Variants in EPRS1 observed in about 807,000 individuals in gnomAD.
EPRS1 encodes glutamyl-prolyl-tRNA synthetase 1.
A neutral mutation model predicts 188.3 loss-of-function variants in EPRS1; 107 were observed. That is an observed-to-expected ratio of 0.57 (90% CI 0.49 to 0.67). The LOEUF (loss-of-function observed/expected upper bound fraction) is 0.67. Among genes scored for constraint, EPRS1 ranks in the 30% least tolerant of loss-of-function variants. The pLI is 0.00. For missense variants in EPRS1, 1,577 were observed against 1,802.2 expected, an observed-to-expected ratio of 0.88 and a Z score of 2.26; for synonymous variants, 596 against 593.1, an observed-to-expected ratio of 1.00 and a Z score of -0.07.
chr1:220,025,881 A>C (rs942547831), intron 6 of EPRS1, among the ~76,000 whole-genome samples: 8 of 148,080 alleles, frequency 5.4e-5, no homozygotes, highest in African/African-American at 2.0e-4. Flanking sequence ...TGCAACCTCC[A>C]CCTCCTGGGT....
chr1:220,024,677 G>A (rs1293569766), intron 7 of EPRS1, among the ~76,000 whole-genome samples: 25 of 152,138 alleles, frequency 1.6e-4, no homozygotes, highest in Admixed American at 6.5e-5. Context: ...CTGATCTCAC[G>A]ATGGAGTTTT....
intron 23 of EPRS1, among the ~76,000 whole-genome samples, chr1:219,981,719 A>G (rs1388860470): frequency 1.3e-5 from 2 of 152,238 alleles, no homozygotes; most frequent in African/African-American, 4.8e-5. Flanking sequence ...CATTCTTCAC[A>G]TAACAGTTAA....
intron 12 of EPRS1, among the ~76,000 whole-genome samples, chr1:220,011,884 A>G (rs1487561240): frequency 2.0e-5 from 3 of 152,242 alleles, no homozygotes; most frequent in Non-Finnish European, 2.9e-5. Flanking sequence ...AGAAAAATGT[A>G]GATGAAAGCA....
intron 12 of EPRS1, among the ~76,000 whole-genome samples, chr1:220,017,595 A>G (rs1330084883): frequency 2.6e-5 from 4 of 152,230 alleles, no homozygotes; most frequent in East Asian, 1.9e-4. Flanking sequence ...ACAAGCAACT[A>G]TATCTTGAGG....
chr1:220,014,545 T>C (rs1296392890), intron 12 of EPRS1, among the ~76,000 whole-genome samples: 1 of 152,152 alleles, frequency 6.6e-6, no homozygotes, highest in Non-Finnish European at 1.5e-5. Context: ...AATAAGTGAA[T>C]GTATGATAGT....
chr1:220,040,908 T>G (rs1033191633), intron 1 of EPRS1, among the ~76,000 whole-genome samples: 9 of 151,414 alleles, frequency 5.9e-5, no homozygotes, highest in South Asian at 2.1e-4. Flanking sequence ...TATGTTGACC[T>G]TGGATTTTTA....
chr1:220,027,543 G>A (rs1662002958), intron 6 of EPRS1, among the ~76,000 whole-genome samples: 1 of 134,756 alleles, frequency 7.4e-6, no homozygotes, highest in African/African-American at 2.8e-5. Context: ...AGTGAGCCAA[G>A]ATCGCGCCAC....
At chr1:219,993,458 G>C (rs1219721268) in intron 18 of EPRS1, among the ~76,000 whole-genome samples, 2 of 152,080 alleles carry the variant, frequency 1.3e-5, no homozygotes, top group African/African-American at 2.4e-5. Flanking sequence ...CTTATACTTT[G>C]CCTTTACACT....
chr1:219,996,186 C>T (rs748861835), intron 18 of EPRS1, among the ~76,000 whole-genome samples: 21 of 152,282 alleles, frequency 1.4e-4, no homozygotes, highest in Non-Finnish European at 2.8e-4. Flanking sequence ...ACACTAGGTG[C>T]CACACCTACT....
At position 219,981,415 on chromosome 1, in the gene EPRS1, TCTCTGTG is replaced by T; in HGVS notation, c.3409_3415del (p.His1137ThrfsTer87). 6.2e-7 allele frequency: 1 copy of T among 1,609,190 alleles called. No homozygotes were observed. Among genetic ancestry groups the T allele is most frequent in the Non-Finnish European group, 8.5e-7 (1 of 1,177,122 alleles). On this transcript the variant is annotated frameshift_variant, in exon 24 of 32. Transcript: ENST00000366923. LOFTEE classifies it high-confidence loss of function. The stretch of plus-strand genomic sequence containing the variant: ...CCACTGATTGAGCTTGATGGGCAGG[TCTCTGTG>T]TGACTGTACCCATTTTGCATATGCA...
intron 28 of EPRS1, among the ~76,000 whole-genome samples, chr1:219,974,820 G>C (rs1455923613): frequency 1.3e-5 from 2 of 152,082 alleles, no homozygotes; most frequent in Admixed American, 1.3e-4. Flanking sequence ...TTTACAAGAT[G>C]AATAAGAAAT....
chr1:220,034,788 A>G, intron 3 of EPRS1, 126 bp downstream of exon 3: 1 of 688,126 alleles, frequency 1.5e-6, no homozygotes, highest in Non-Finnish European at 2.6e-6. Flanking sequence ...ACCTTGGTCT[A>G]TATAATTAAC....
chr1:220,030,539 A>G, intron 5 of EPRS1, 59 bp from the exon 6 acceptor site: 1 of 1,239,130 alleles, frequency 8.1e-7, no homozygotes, highest in South Asian at 1.2e-5. Flanking sequence ...CTAAGAACAC[A>G]CTCATTCAAC....
In EPRS1 at chr1:220,045,720, G is replaced by A. The variant is rs577144677; in HGVS notation, c.46+623C>T. Among the ~76,000 whole-genome samples, 135 of 152,226 alleles carry A rather than the reference G, an allele frequency of 8.9e-4. 1 individual carries two copies. Among genetic ancestry groups the A allele is most frequent in the African/African-American group, 3.1e-3 (127 of 41,530 alleles). On this transcript the variant is annotated intron_variant, in intron 1 of 31. Coordinates refer to ENST00000366923, the MANE Select transcript of EPRS1 (RefSeq NM_004446.3). Reference sequence around the variant, plus strand: ...TCCACAGGGTGCAGTAAAAGCAACCGCATCAGTCTACAGTGTACCTGGGTG... The same window carrying A: ...TCCACAGGGTGCAGTAAAAGCAACCACATCAGTCTACAGTGTACCTGGGTG...
At chr1:220,012,177 T>C (rs1661618050) in intron 12 of EPRS1, among the ~76,000 whole-genome samples, 2 of 152,254 alleles carry the variant, frequency 1.3e-5, no homozygotes, top group Middle Eastern at 6.8e-3. Context: ...TATTTCATGC[T>C]AATACTAAAT....
intron 29 of EPRS1, among the ~76,000 whole-genome samples, chr1:219,972,806 T>C (rs1660694290): frequency 6.6e-6 from 1 of 152,190 alleles, no homozygotes; most frequent in East Asian, 1.9e-4. Context: ...CTTGGCTATA[T>C]TATAATCCCC....
chr1:219,987,131 C>T lies in EPRS1; in HGVS notation c.3038+11G>A, dbSNP rs767418122. Reference sequence around the variant, plus strand: ...TGCTTTGCTTCAAATGAAGTTTCTGCGATTCATTACCTGGTCTGTTTCTTA... The same window carrying T: ...TGCTTTGCTTCAAATGAAGTTTCTGTGATTCATTACCTGGTCTGTTTCTTA... On this transcript the variant is annotated intron_variant, in intron 20 of 31. Transcript: ENST00000366923. The T allele has an allele frequency of 1.3e-5, 20 of 1,589,024 alleles. No homozygotes were observed. The East Asian group carries it at 2.0e-4, about 16-fold the overall frequency.
chr1:220,006,279 T>C lies in EPRS1; in HGVS notation c.1777A>G (p.Lys593Glu). The C allele has an allele frequency of 1.3e-6, 2 of 1,583,952 alleles. No individual in the cohort carries two copies. Among genetic ancestry groups the C allele is most frequent in the Non-Finnish European group, 1.7e-6 (2 of 1,163,262 alleles). The change falls in exon 15 of 32, where the codon AAG (lysine) becomes GAG (glutamate). Residue 593 changes from lysine to glutamate, a missense_variant. By Grantham distance (56) the Lys-to-Glu change is moderately conservative. Coordinates refer to ENST00000366923, the MANE Select transcript of EPRS1 (RefSeq NM_004446.3). Reference protein sequence around the residue: ...ADGKIISLDAKLNLENKDYKK... With the variant: ...ADGKIISLDAELNLENKDYKK... Reference sequence around the variant, plus strand: ...TAGTCTTTGTTTTCCAAATTCAACTTTGCATCAAGAGATATGATTTTTCCA... The same window carrying C: ...TAGTCTTTGTTTTCCAAATTCAACTCTGCATCAAGAGATATGATTTTTCCA...
chr1:219,969,403 C>T (rs1660623844), intron 30 of EPRS1, among the ~76,000 whole-genome samples: 1 of 152,158 alleles, frequency 6.6e-6, no homozygotes, highest in South Asian at 2.1e-4. Flanking sequence ...CTGGCTAAAA[C>T]ACAGTGGCTG....
Sources: gnomAD v4.1 joint callset for allele counts (sites outside exome capture counted in the v4.1 genomes callset) on GRCh38, gnomAD v4.1.1 for gene constraint, MANE v1.5 for transcripts, NCBI Gene and HGNC (gene_info 2026-07-23, HGNC 2026-07-21) for gene names.